Variants in SLC5A12 observed in about 807,000 individuals in gnomAD.
SLC5A12 encodes sodium-coupled monocarboxylate transporter 2.
Under a neutral mutation model 72.7 loss-of-function variants are expected in SLC5A12, and 46 were observed. The ratio of observed to expected loss-of-function variants is 0.63; its 90% CI spans 0.50 to 0.81. The LOEUF (loss-of-function observed/expected upper bound fraction) is 0.81. Ranked by LOEUF, SLC5A12 falls within the 30% of genes least tolerant of loss-of-function variation. The probability of loss-of-function intolerance (pLI) is 0.00; values close to 1 mark genes in which losing one functional copy is unlikely to be tolerated. For missense variants in SLC5A12, 683 were observed against 740.7 expected, an observed-to-expected ratio of 0.92 and a Z score of 0.90; for synonymous variants, 275 against 264.4, an observed-to-expected ratio of 1.04 and a Z score of -0.39.
chr11:26,692,435 C>G (rs768691276), intron 9 of SLC5A12, 54 bp downstream of exon 9: 1 of 1,228,818 alleles, frequency 8.1e-7, no homozygotes, highest in Non-Finnish European at 1.2e-6. Context: ...ATTTTGACAT[C>G]TACCACATGT....
chr11:26,704,676 T>G (rs982014683), intron 4 of SLC5A12, among the ~76,000 whole-genome samples: 2 of 152,062 alleles, frequency 1.3e-5, no homozygotes, highest in Admixed American at 6.6e-5. Flanking sequence ...GATTGACAGA[T>G]AGAGGTAAGG....
intron 4 of SLC5A12, among the ~76,000 whole-genome samples, chr11:26,708,065 C>T (rs890363694): frequency 2.5e-4 from 38 of 152,014 alleles, no homozygotes; most frequent in Non-Finnish European, 8.8e-5. Context: ...TCAAGTCAGC[C>T]TCATGCATCC....
intron 6 of SLC5A12, among the ~76,000 whole-genome samples, chr11:26,701,876 C>T (rs183660051): frequency 3.3e-5 from 5 of 152,104 alleles, no homozygotes; most frequent in East Asian, 1.9e-4. Context: ...GTTTAATAAG[C>T]GATAAACGTT....
chr11:26,671,209 A>G lies in SLC5A12; in HGVS notation c.1750T>C (p.Ser584Pro), dbSNP rs1465730009. 6.2e-7 allele frequency: 1 copy of G among 1,607,982 alleles called. No homozygotes were observed. Among genetic ancestry groups the G allele is most frequent in the Non-Finnish European group, 8.5e-7 (1 of 1,177,298 alleles). Residue 584 changes from serine to proline, a missense_variant, in exon 15 of 15, where the codon TCT becomes CCT. Transcript: ENST00000396005. Reference sequence around the variant, plus strand: ...CTTCTGAGTCCGTTCTGTAAGACAGATTCAGCCCCCTGTTTCCGGGCACTG... The same window carrying G: ...CTTCTGAGTCCGTTCTGTAAGACAGGTTCAGCCCCCTGTTTCCGGGCACTG... ...NGSARKQGAE[S>P]VLQNGLRRES...
chr11:26,670,531 G>T lies in SLC5A12; in HGVS notation c.*571C>A, dbSNP rs1283317545. 6.6e-6 allele frequency: 1 copy of T among 151,994 alleles called. No individual in the cohort carries two copies. Among genetic ancestry groups the T allele is most frequent in the Non-Finnish European group, 1.5e-5 (1 of 68,010 alleles). The allele number at this position is 151,994 out of a possible 1,614,324, so 9.4% of individuals were successfully genotyped here. On this transcript the variant is annotated 3_prime_UTR_variant, in exon 15 of 15. Transcript: ENST00000396005. ...CAGCTAATGACTGGAATGACTGGAA[G>T]AGGACCTGACAGTGGTGGTGAAGGG... is the stretch of plus-strand genomic sequence containing the variant.
rs1854111592 is a variant in SLC5A12, at chr11:26,670,402, C to T, written c.*700G>A. On this transcript the variant is annotated 3_prime_UTR_variant, in exon 15 of 15. Transcript: ENST00000396005. ...AAAGGAAGAAGACATACTGCATGGA[C>T]AGCACAAAAGGAGCAAAGTTTTTAG... is the stretch of plus-strand genomic sequence containing the variant. 1 of 152,036 alleles carries T rather than the reference C, an allele frequency of 6.6e-6. No individual in the cohort carries two copies. Among genetic ancestry groups the T allele is most frequent in the Non-Finnish European group, 1.5e-5 (1 of 68,014 alleles). 9.4% of individuals were successfully genotyped at this position (152,036 alleles called of 1,614,324 possible).
At chr11:26,693,825 C>T (rs944270164) in intron 8 of SLC5A12, among the ~76,000 whole-genome samples, 1 of 152,162 alleles carries the variant, frequency 6.6e-6, no homozygotes, top group Admixed American at 6.5e-5. Flanking sequence ...AGACCCATAT[C>T]TGAAAACTAA....
At chr11:26,687,420 C>T (rs974879445) in intron 9 of SLC5A12, among the ~76,000 whole-genome samples, 1 of 152,120 alleles carries the variant, frequency 6.6e-6, no homozygotes, top group Non-Finnish European at 1.5e-5. Flanking sequence ...TCTCTGTCAG[C>T]TACATATCCA....
Position 26,712,671 on chromosome 11 carries a change from A to G in SLC5A12, c.375T>C (p.Tyr125=). Residue 125 remains tyrosine, a synonymous_variant, in exon 2 of 15, where the codon TAT becomes TAC. Transcript: ENST00000396005. Reference sequence around the variant, plus strand: ...GTACAATGTAGATGACCGTGGCAGCATAGCGAACTGGTTTGTTGAATCGTA... The same window carrying G: ...GTACAATGTAGATGACCGTGGCAGCGTAGCGAACTGGTTTGTTGAATCGTA... ...LQLRFNKPVR[Y]AATVIYIVQT... 1 of 1,591,396 alleles carries G rather than the reference A, an allele frequency of 6.3e-7. No individual in the cohort carries two copies. The highest frequency in any genetic ancestry group is 8.6e-7 in the Non-Finnish European group (1 of 1,163,214).
chr11:26,698,296 A>G, intron 7 of SLC5A12, 110 bp downstream of exon 7: 1 of 1,389,048 alleles, frequency 7.2e-7, no homozygotes, highest in Non-Finnish European at 9.7e-7. Flanking sequence ...TTGGGGTTTG[A>G]GAAATAGTGA....
At chr11:26,687,592 G>T (rs975948625) in intron 9 of SLC5A12, among the ~76,000 whole-genome samples, 9 of 152,140 alleles carry the variant, frequency 5.9e-5, no homozygotes, top group Non-Finnish European at 1.2e-4. Flanking sequence ...ACAAGTATAT[G>T]CACATACCCA....
At chr11:26,696,934 C>T (rs768192462) in intron 8 of SLC5A12, among the ~76,000 whole-genome samples, 9 of 152,122 alleles carry the variant, frequency 5.9e-5, no homozygotes, top group African/African-American at 1.2e-4. Context: ...TACTAACTCA[C>T]CATAGGTAAT....
At chr11:26,677,748 G>C (rs577042021) in intron 13 of SLC5A12, among the ~76,000 whole-genome samples, 52 of 152,230 alleles carry the variant, frequency 3.4e-4, no homozygotes, top group Middle Eastern at 3.4e-3. Flanking sequence ...TAGGGCATTG[G>C]AGCTTCAATA....
chr11:26,689,929 A>G (rs1485501389), intron 9 of SLC5A12, among the ~76,000 whole-genome samples: 2 of 152,218 alleles, frequency 1.3e-5, no homozygotes, highest in Non-Finnish European at 2.9e-5. Flanking sequence ...TTTAATTATT[A>G]TAATGTAAGG....
Position 26,689,665 on chromosome 11 carries a change from A to AT in SLC5A12, c.1153+2823dup, listed in dbSNP as rs917866136. Among the ~76,000 whole-genome samples the AT allele has an allele frequency of 4.6e-5, 7 of 151,578 alleles. 1 individual carries two copies. Among genetic ancestry groups the AT allele is most frequent in the Admixed American group, 2.0e-4 (3 of 15,198 alleles). The stretch of plus-strand genomic sequence containing the variant: ...TATTTGTTCATTTCATTATAGGTGA[A>AT]TTTTTTTTTACATTTAAAAAAACTT... On this transcript the variant is annotated intron_variant, in intron 9 of 14. Transcript: ENST00000396005.
chr11:26,719,595 G>A (rs996605746), intron 1 of SLC5A12, among the ~76,000 whole-genome samples: 2 of 152,084 alleles, frequency 1.3e-5, no homozygotes, highest in African/African-American at 2.4e-5. Context: ...TTTCTTTGCT[G>A]TCCTTCAACA....
At chr11:26,674,971 TTA>T (rs1854233048) in intron 13 of SLC5A12, among the ~76,000 whole-genome samples, 1 of 152,194 alleles carries the variant, frequency 6.6e-6, no homozygotes. Flanking sequence ...AAGTATACAT[TTA>T]GTTAAACATA....
At chr11:26,705,335 A>G (rs1047759544) in intron 4 of SLC5A12, among the ~76,000 whole-genome samples, 1 of 152,060 alleles carries the variant, frequency 6.6e-6, no homozygotes, top group African/African-American at 2.4e-5. Context: ...GAAAGATGAA[A>G]TGAAGTGATA....
intron 1 of SLC5A12, among the ~76,000 whole-genome samples, chr11:26,714,521 T>G (rs940534983): frequency 6.6e-6 from 1 of 152,188 alleles, no homozygotes; most frequent in Non-Finnish European, 1.5e-5. Context: ...TCAGTAAGTA[T>G]TCTAGAAGAC....
Sources: gnomAD v4.1 joint callset for allele counts (sites outside exome capture counted in the v4.1 genomes callset) on GRCh38, gnomAD v4.1.1 for gene constraint, MANE v1.5 for transcripts, NCBI Gene and HGNC (gene_info 2026-07-23, HGNC 2026-07-21) for gene names.